The following ATF6 variants were observed in gnomAD, a reference collection of about 807,000 sequenced individuals.
The protein encoded by ATF6 is activating transcription factor 6.
Under a neutral mutation model 83.6 loss-of-function variants are expected in ATF6, and 53 were observed. The observed-to-expected ratio is 0.63, with a 90% CI of 0.51 to 0.80. The LOEUF (loss-of-function observed/expected upper bound fraction) is 0.80. Ranked by LOEUF, ATF6 falls within the 30% of genes least tolerant of loss-of-function variation. ATF6 has a pLI of 0.00. For synonymous variants in ATF6, 288 were observed against 285.8 expected, an observed-to-expected ratio of 1.01 and a Z score of -0.08; for missense variants, 744 against 797.9, an observed-to-expected ratio of 0.93 and a Z score of 0.81.
chr1:161,851,253 C>A lies in ATF6; in HGVS notation c.1320-469C>A, dbSNP rs200192981. On this transcript the variant is annotated intron_variant, in intron 10 of 15. Transcript: ENST00000367942. ...TCCTTAACACACACACACACACACA[C>A]ACACACACACACACACACACACCCC... Among the ~76,000 whole-genome samples, 55 of 49,750 alleles carry A rather than the reference C, an allele frequency of 1.1e-3. 2 individuals are homozygous for A. The highest frequency in any genetic ancestry group is 5.0e-3 in the South Asian group (5 of 998). 32.6% of individuals were successfully genotyped at this position (49,750 alleles called of 152,430 possible).
intron 15 of ATF6, among the ~76,000 whole-genome samples, chr1:161,915,150 A>G (rs1434020985): frequency 6.6e-6 from 1 of 152,140 alleles, no homozygotes; most frequent in Non-Finnish European, 1.5e-5. Context: ...TGCAAGAGCT[A>G]CATCATGTTT....
intron 12 of ATF6, among the ~76,000 whole-genome samples, chr1:161,854,645 G>A (rs544747541): frequency 3.3e-5 from 5 of 152,328 alleles, no homozygotes; most frequent in African/African-American, 1.2e-4. Flanking sequence ...GCTGAGGCTG[G>A]TGGATCACGA....
intron 12 of ATF6, among the ~76,000 whole-genome samples, 163 bp downstream of exon 12, chr1:161,853,486 C>G (rs928802138): frequency 6.6e-6 from 1 of 152,182 alleles, no homozygotes; most frequent in African/African-American, 2.4e-5. Context: ...TGAAGTCCTC[C>G]TCCCAGGTTT....
chr1:161,958,264 T>C (rs1203997910), intron 15 of ATF6, among the ~76,000 whole-genome samples, 182 bp from the exon 16 acceptor site: 2 of 152,196 alleles, frequency 1.3e-5, no homozygotes, highest in East Asian at 3.8e-4. Context: ...AGAGAACAGG[T>C]GATCCTGGCA....
At chr1:161,838,407 G>T (rs1686274018) in intron 9 of ATF6, among the ~76,000 whole-genome samples, 1 of 152,176 alleles carries the variant, frequency 6.6e-6, no homozygotes, top group Non-Finnish European at 1.5e-5. Flanking sequence ...TTTTGGTAAA[G>T]AAATCTGCAA....
intron 9 of ATF6, among the ~76,000 whole-genome samples, chr1:161,845,487 G>A (rs1444069613): frequency 1.3e-5 from 2 of 152,112 alleles, no homozygotes; most frequent in East Asian, 3.8e-4. Context: ...GTTAATTAAG[G>A]CTGGGCGCAG....
At position 161,958,920 on chromosome 1, in the gene ATF6, A is replaced by AT. The variant is rs1017974042; in HGVS notation, c.*275dup. ...CATCCTCCAGTGTTACCTGGTGTAG[A>AT]TTTTTTTTTCTGTACCTTTCTAAAC... is the stretch of plus-strand genomic sequence containing the variant. On this transcript the variant is annotated 3_prime_UTR_variant, in exon 16 of 16. Coordinates refer to ENST00000367942, the MANE Select transcript of ATF6 (RefSeq NM_007348.4). 491 of 302,342 alleles carry AT rather than the reference A, an allele frequency of 1.6e-3. No individual in the cohort carries two copies. The highest frequency in any genetic ancestry group is 2.6e-3 in the East Asian group (47 of 18,046). The allele number at this position is 302,342 out of a possible 1,614,324, so 18.7% of individuals were successfully genotyped here. A position where few individuals can be genotyped will look rare whatever the true frequency, so the allele number is the denominator to read the frequency against.
chr1:161,937,813 A>C (rs1457517250), intron 15 of ATF6, among the ~76,000 whole-genome samples: 3 of 152,086 alleles, frequency 2.0e-5, no homozygotes, highest in Admixed American at 6.5e-5. Flanking sequence ...TGGGTGCAGC[A>C]AACCACCATG....
chr1:161,953,247 G>A (rs2341470), intron 15 of ATF6, among the ~76,000 whole-genome samples: 101,848 of 152,020 alleles, frequency 0.67, 35,261 homozygotes, highest in Non-Finnish European at 0.77. Context: ...TTTAACCTAC[G>A]TGAATTATAT....
chr1:161,892,281 C>G (rs1157911559), intron 14 of ATF6: 1 of 152,158 alleles, frequency 6.6e-6, no homozygotes, highest in Non-Finnish European at 1.5e-5. Flanking sequence ...GACTCATACA[C>G]TTGATATTTT....
At chr1:161,819,354 G>T (rs1347260913) in intron 7 of ATF6, among the ~76,000 whole-genome samples, 1 of 152,156 alleles carries the variant, frequency 6.6e-6, no homozygotes, top group African/African-American at 2.4e-5. Context: ...GATACTTTCT[G>T]AGGGAGTTTC....
rs556887974 is a variant in ATF6 at position 161,867,308 on chromosome 1, T to C, written c.1719+3996T>C. Among the ~76,000 whole-genome samples, 3 of 152,034 alleles carry C rather than the reference T, an allele frequency of 2.0e-5. No individual in the cohort carries two copies. In the South Asian group the frequency reaches 6.2e-4, roughly 32 times the overall value. ...AGACTCCATCTCAAAAAAAAAATGC[T>C]TTTGTATGATAGTCTATTTAGGGAG... On this transcript the variant is annotated intron_variant, in intron 14 of 15. Transcript: ENST00000367942.
At chr1:161,766,530 G>C in intron 1 of ATF6, 88 bp downstream of exon 1, 2 of 1,275,490 alleles carry the variant, frequency 1.6e-6, no homozygotes, top group Non-Finnish European at 1.1e-6. Flanking sequence ...CGTGGTGACA[G>C]GTGTGGACCA....
At chr1:161,831,425 C>A (rs577584330) in intron 9 of ATF6, among the ~76,000 whole-genome samples, 2 of 152,284 alleles carry the variant, frequency 1.3e-5, no homozygotes, top group South Asian at 4.1e-4. Context: ...TGCCATTTGA[C>A]CCAGCCATCC....
chr1:161,865,964 C>CT (rs112602134), intron 14 of ATF6, among the ~76,000 whole-genome samples: 21,545 of 152,030 alleles, frequency 0.14, 2,084 homozygotes, highest in East Asian at 0.32. Context: ...TTACCTCATG[C>CT]TTGGTCTTCT....
At chr1:161,772,738 T>G (rs1177623804) in intron 1 of ATF6, among the ~76,000 whole-genome samples, 1 of 151,216 alleles carries the variant, frequency 6.6e-6, no homozygotes, top group African/African-American at 2.4e-5. Flanking sequence ...TGTTTCTATA[T>G]CTAGATAGTA....
rs1472983383 is a variant in ATF6 at position 161,958,710 on chromosome 1, G to T, written c.*56G>T. The T allele has an allele frequency of 1.4e-6, 2 of 1,455,424 alleles. No homozygotes were observed. Among genetic ancestry groups the T allele is most frequent in the East Asian group, 4.7e-5 (2 of 42,540 alleles). The allele number at this position is 1,455,424 out of a possible 1,614,324, so 90.2% of individuals were successfully genotyped here. A position where few individuals can be genotyped will look rare whatever the true frequency, so the allele number is the denominator to read the frequency against. Reference sequence around the variant, plus strand: ...TGGGACCCTGCCAGACTGAAGAGCAGGTGAGCAAAATGCTGCTTTCTGCCT... The same window carrying T: ...TGGGACCCTGCCAGACTGAAGAGCATGTGAGCAAAATGCTGCTTTCTGCCT... On this transcript the variant is annotated 3_prime_UTR_variant, in exon 16 of 16. Transcript: ENST00000367942.
At chr1:161,922,983 C>CAG (rs1688243535) in intron 15 of ATF6, among the ~76,000 whole-genome samples, 1 of 152,128 alleles carries the variant, frequency 6.6e-6, no homozygotes, top group South Asian at 2.1e-4. Context: ...CATGTGGTGT[C>CAG]CATGTCTTGG....
rs534006614 is a variant in ATF6 at position 161,782,860 on chromosome 1, G to A, written c.247+861G>A. Among the ~76,000 whole-genome samples the A allele has an allele frequency of 7.9e-5, 12 of 152,216 alleles. No individual in the cohort carries two copies. In the South Asian group the frequency reaches 1.2e-3, roughly 16 times the overall value. ...TTTTATTAGATTGCTAGAATCTATG[G>A]GTCACGAATTTTGACTGGGTGCTTA... is the stretch of plus-strand genomic sequence containing the variant. On this transcript the variant is annotated intron_variant, in intron 3 of 15. Coordinates refer to ENST00000367942, the MANE Select transcript of ATF6 (RefSeq NM_007348.4).
Sources: gnomAD v4.1 joint callset for allele counts (sites outside exome capture counted in the v4.1 genomes callset) on GRCh38, gnomAD v4.1.1 for gene constraint, MANE v1.5 for transcripts, NCBI Gene and HGNC (gene_info 2026-07-23, HGNC 2026-07-21) for gene names.